Variants in RELN observed in about 807,000 individuals in gnomAD.
RELN encodes reelin.
Under a neutral mutation model 427.6 loss-of-function variants are expected in RELN, and 108 were observed. That is an observed-to-expected ratio of 0.25 (90% confidence interval 0.22 to 0.30). RELN has a LOEUF of 0.30. Among genes scored for constraint, RELN ranks in the 10% least tolerant of loss-of-function variants. The pLI, the probability that RELN is intolerant of heterozygous loss-of-function variation, is 1.00. For synonymous variants in RELN, 1,524 were observed against 1,513.4 expected (o/e 1.01, Z -0.16); for missense variants, 3,715 against 4,302.8 (o/e 0.86, Z 3.82).
chr7:103,886,435 T>G (rs1794727878), intron 2 of RELN, among the ~76,000 whole-genome samples: 1 of 152,228 alleles, frequency 6.6e-6, no homozygotes, highest in Non-Finnish European at 1.5e-5. Context: ...CTATCAAAGC[T>G]ATTTTGTGAT....
intron 3 of RELN, among the ~76,000 whole-genome samples, chr7:103,816,879 T>C (rs1262562686): frequency 2.6e-5 from 4 of 151,692 alleles, no homozygotes; most frequent in East Asian, 1.9e-4. Flanking sequence ...TGAGGCAGAG[T>C]CTTGCTGCGA....
chr7:103,987,110 T>C (rs1797119163), intron 1 of RELN, among the ~76,000 whole-genome samples: 1 of 150,024 alleles, frequency 6.7e-6, no homozygotes, highest in Non-Finnish European at 1.5e-5. Context: ...TTAAGGCCTA[T>C]AGCTACAGCT....
At chr7:103,507,034 C>A (rs1283956039) in intron 51 of RELN, among the ~76,000 whole-genome samples, 1 of 152,180 alleles carries the variant, frequency 6.6e-6, no homozygotes, top group African/African-American at 2.4e-5. Flanking sequence ...ATTCATAAAG[C>A]AACTTCTTAG....
intron 28 of RELN, among the ~76,000 whole-genome samples, chr7:103,589,171 T>C (rs1383358929): frequency 6.6e-6 from 1 of 152,224 alleles, no homozygotes; most frequent in Non-Finnish European, 1.5e-5. Flanking sequence ...AGGTTTTTGA[T>C]CAACCTCATC....
At chr7:103,764,232 T>A (rs1183372064) in intron 4 of RELN, among the ~76,000 whole-genome samples, 5 of 152,196 alleles carry the variant, frequency 3.3e-5, no homozygotes, top group Non-Finnish European at 7.3e-5. Context: ...CATCACGACA[T>A]TTAATCCTCA....
intron 15 of RELN, among the ~76,000 whole-genome samples, chr7:103,651,262 C>G (rs954147252): frequency 6.6e-6 from 1 of 151,952 alleles, no homozygotes; most frequent in Non-Finnish European, 1.5e-5. Context: ...TTTAATTATA[C>G]AGAAAAAAGT....
At chr7:103,720,173 T>TTGTGTGTGTGTG in intron 8 of RELN, among the ~76,000 whole-genome samples, 1 of 145,668 alleles carries the variant, frequency 6.9e-6, no homozygotes, top group East Asian at 2.0e-4. Flanking sequence ...TGTATAAACA[T>TTGTGTGTGTGTG]TGTGTGTGTG....
At chr7:103,761,783 T>G (rs559732175) in intron 4 of RELN, among the ~76,000 whole-genome samples, 1 of 152,344 alleles carries the variant, frequency 6.6e-6, no homozygotes, top group African/African-American at 2.4e-5. Flanking sequence ...AAATTGTTAC[T>G]GTGTAGCAAC....
intron 3 of RELN, among the ~76,000 whole-genome samples, chr7:103,813,094 A>G (rs917222777): frequency 2.4e-4 from 36 of 152,150 alleles, no homozygotes; most frequent in Admixed American, 2.2e-3. Flanking sequence ...CCTCTGTTTT[A>G]GGTCAATGAT....
intron 36 of RELN, among the ~76,000 whole-genome samples, chr7:103,560,628 A>C (rs1830621965): frequency 6.6e-6 from 1 of 152,210 alleles, no homozygotes; most frequent in African/African-American, 2.4e-5. Flanking sequence ...TAGATAAGAC[A>C]AAACAAAACA....
intron 6 of RELN, among the ~76,000 whole-genome samples, chr7:103,731,862 C>G (rs1303622623): frequency 2.0e-5 from 3 of 152,068 alleles, no homozygotes; most frequent in African/African-American, 7.2e-5. Flanking sequence ...TTTTATTTAA[C>G]TCAATATATT....
intron 19 of RELN, among the ~76,000 whole-genome samples, chr7:103,633,855 T>C (rs1236388072): frequency 2.0e-5 from 3 of 152,136 alleles, no homozygotes; most frequent in Non-Finnish European, 2.9e-5. Context: ...TAATTTTCTT[T>C]TAATGGTTAC....
rs574201924 is a variant in RELN at position 103,938,263 on chromosome 7, T to G, written c.227-21078A>C. On this transcript the variant is annotated intron_variant, in intron 1 of 64. Transcript: ENST00000428762. ...TGAACCCAGGAGGTGGAGGTTGCAG[T>G]GAGCCGAGATTGCGCCATTGCACTC... Among the ~76,000 whole-genome samples the G allele has an allele frequency of 2.6e-5, 4 of 151,908 alleles. No homozygotes were observed. The East Asian group carries it at 5.8e-4, about 22-fold the overall frequency.
chr7:103,484,863 T>C (rs1828374637), intron 61 of RELN, among the ~76,000 whole-genome samples: 1 of 152,170 alleles, frequency 6.6e-6, no homozygotes, highest in Non-Finnish European at 1.5e-5. Flanking sequence ...GATAAATTAT[T>C]ATGACTGTTT....
intron 8 of RELN, among the ~76,000 whole-genome samples, chr7:103,702,982 C>T (rs1164775884): frequency 1.3e-5 from 2 of 152,174 alleles, no homozygotes; most frequent in African/African-American, 2.4e-5. Context: ...CCCTGAGAAA[C>T]AGAACTGGCC....
chr7:103,723,256 G>C (rs1252087377), intron 7 of RELN, 65 bp from the exon 8 acceptor site: 1 of 940,162 alleles, frequency 1.1e-6, no homozygotes, highest in Non-Finnish European at 1.7e-6. Flanking sequence ...AAAGATGCTG[G>C]GAGGGGTACG....
intron 11 of RELN, among the ~76,000 whole-genome samples, chr7:103,676,449 A>C (rs1462959678): frequency 6.6e-6 from 1 of 152,212 alleles, no homozygotes; most frequent in Non-Finnish European, 1.5e-5. Context: ...GTGGGACTGT[A>C]AACTAGTTCA....
chr7:103,815,105 T>C (rs1053439264), intron 3 of RELN, among the ~76,000 whole-genome samples: 1 of 152,220 alleles, frequency 6.6e-6, no homozygotes, highest in Non-Finnish European at 1.5e-5. Context: ...CAACTTTATA[T>C]ACTGAAAATA....
intron 1 of RELN, among the ~76,000 whole-genome samples, chr7:103,917,406 T>C (rs1006265261): frequency 4.6e-5 from 7 of 152,186 alleles, no homozygotes; most frequent in African/African-American, 1.7e-4. Flanking sequence ...ACATCAGTCC[T>C]ACCTTTCTGC....
Sources: allele counts gnomAD v4.1 joint callset (sites outside exome capture counted in the v4.1 genomes callset), GRCh38; gene constraint gnomAD v4.1.1; transcripts MANE v1.5; gene names NCBI Gene and HGNC (gene_info 2026-07-23, HGNC 2026-07-21).